CDH11: variants seen among roughly 807,000 people sequenced by gnomAD.
CDH11 encodes cadherin 11, also known as cadherin-11.
In CDH11, 11 loss-of-function variants were observed where a neutral mutation model predicts 67.8. The ratio of observed to expected loss-of-function variants is 0.16; its 90% confidence interval spans 0.10 to 0.27. CDH11 has a LOEUF of 0.27. Among genes scored for constraint, CDH11 ranks in the 10% least tolerant of loss-of-function variants. The pLI is 1.00. For missense variants in CDH11, 847 were observed against 1,031.2 expected (o/e 0.82, Z 2.45); for synonymous variants, 419 against 400.0 (o/e 1.05, Z -0.57).
chr16:64,945,486 A>T lies in CDH11; in HGVS notation c.*2117T>A. The T allele has an allele frequency of 9.7e-7, 1 of 1,034,606 alleles. No homozygotes were observed. Among genetic ancestry groups the T allele is most frequent in the Non-Finnish European group, 1.2e-6 (1 of 859,440 alleles). The allele number at this position is 1,034,606 out of a possible 1,614,324, so 64.1% of individuals were successfully genotyped here. On this transcript the variant is annotated 3_prime_UTR_variant, in exon 13 of 13. Coordinates refer to ENST00000268603, the MANE Select transcript of CDH11 (RefSeq NM_001797.4). ...GTTACTTACAGCTGTATACTTATTT[A>T]AATGCTATTCATATTCCTTTTGAGT...
chr16:65,057,713 C>A (rs1410430272), intron 1 of CDH11, among the ~76,000 whole-genome samples: 1 of 152,166 alleles, frequency 6.6e-6, no homozygotes, highest in Non-Finnish European at 1.5e-5. Context: ...ATGAAGGGAG[C>A]AGCATAGCCC....
intron 2 of CDH11, 61 bp from the exon 3 acceptor site, chr16:65,005,102 T>C: frequency 7.6e-7 from 1 of 1,319,694 alleles, no homozygotes; most frequent in Non-Finnish European, 9.7e-7. Flanking sequence ...TTCCATTCCT[T>C]TCAGTAAGCC....
chr16:65,069,882 G>C (rs2074385935), intron 1 of CDH11, among the ~76,000 whole-genome samples: 1 of 152,092 alleles, frequency 6.6e-6, no homozygotes. Flanking sequence ...GACTGTGCTG[G>C]GGACCAGGGA....
rs1555522698 is a variant in CDH11 at position 65,045,351 on chromosome 16, A to ATATATATATC, written c.-173+8452_-173+8453insGATATATATA. On this transcript the variant is annotated intron_variant, in intron 2 of 12. Coordinates refer to ENST00000268603, the MANE Select transcript of CDH11 (RefSeq NM_001797.4). ...AAAGTATATATATATATATATATAT[A>ATATATATATC]TATATATATATATATATATATGAAC... Among the ~76,000 whole-genome samples, 167 of 119,632 alleles carry ATATATATATC rather than the reference A, an allele frequency of 1.4e-3. 7 individuals carry two copies. Among genetic ancestry groups the ATATATATATC allele is most frequent in the South Asian group, 4.3e-3 (16 of 3,724 alleles). The allele number at this position is 119,632 out of a possible 152,430, so 78.5% of individuals were successfully genotyped here.
chr16:65,110,929 A>C (rs1041622127), intron 1 of CDH11, among the ~76,000 whole-genome samples: 6 of 152,182 alleles, frequency 3.9e-5, no homozygotes, highest in African/African-American at 7.2e-5. Context: ...AACACATGGA[A>C]TGTTGTCTTC....
chr16:65,097,939 C>A (rs941420264), intron 1 of CDH11, among the ~76,000 whole-genome samples: 1 of 152,120 alleles, frequency 6.6e-6, no homozygotes, highest in Non-Finnish European at 1.5e-5. Context: ...GACAATCTAA[C>A]CAGAAACCAC....
chr16:65,075,729 T>C (rs894724998), intron 1 of CDH11, among the ~76,000 whole-genome samples: 1 of 152,188 alleles, frequency 6.6e-6, no homozygotes, highest in Non-Finnish European at 1.5e-5. Flanking sequence ...CCCTAGACAA[T>C]GTGCTATTGC....
intron 2 of CDH11, among the ~76,000 whole-genome samples, chr16:65,030,551 G>A (rs974804526): frequency 6.6e-6 from 1 of 152,138 alleles, no homozygotes; most frequent in Non-Finnish European, 1.5e-5. Flanking sequence ...ATCACACTTG[G>A]GGAACTGTGG....
intron 4 of CDH11, among the ~76,000 whole-genome samples, chr16:64,994,490 C>T (rs1226743152): frequency 2.6e-5 from 4 of 152,146 alleles, no homozygotes; most frequent in Admixed American, 6.5e-5. Context: ...AGGAGTACAG[C>T]CATGATTCAT....
At chr16:65,122,071 C>G (rs1009929789), upstream of CDH11, 14 of 478,804 alleles carry the variant, frequency 2.9e-5, no homozygotes, top group East Asian at 4.8e-5. Context: ...AATGAGCCGC[C>G]GAGCGCGCTA....
chr16:65,070,774 T>C (rs1010147290), intron 1 of CDH11, among the ~76,000 whole-genome samples: 4 of 152,168 alleles, frequency 2.6e-5, no homozygotes, highest in East Asian at 1.9e-4. Flanking sequence ...GAAACTCTGA[T>C]TGGAAAATAG....
At chr16:65,041,852 G>A (rs2073873813) in intron 2 of CDH11, among the ~76,000 whole-genome samples, 1 of 152,182 alleles carries the variant, frequency 6.6e-6, no homozygotes, top group South Asian at 2.1e-4. Context: ...GCTAATGCAC[G>A]GGCAGGGAAA....
chr16:65,027,337 T>C (rs573648912), intron 2 of CDH11, among the ~76,000 whole-genome samples: 1 of 152,292 alleles, frequency 6.6e-6, no homozygotes, highest in Non-Finnish European at 1.5e-5. Context: ...CAGGCCCAAA[T>C]AACATCTCCG....
At chr16:64,972,858 A>G (rs766755104) in intron 9 of CDH11, 46 bp downstream of exon 9, 1 of 1,602,418 alleles carries the variant, frequency 6.2e-7, no homozygotes, top group South Asian at 1.1e-5. Context: ...GTCTGAAGCG[A>G]TAATACTTGG....
At position 64,943,757 on chromosome 16, in the gene CDH11, C is replaced by T. The variant is rs17415319; in HGVS notation, c.*3846G>A. Reference sequence around the variant, plus strand: ...TAAATCTGCCTCATCAGTATATTTGCTTTCATTCAATAGATATTTATTGTG... The same window carrying T: ...TAAATCTGCCTCATCAGTATATTTGTTTTCATTCAATAGATATTTATTGTG... On this transcript the variant is annotated 3_prime_UTR_variant, in exon 13 of 13. Transcript: ENST00000268603. 0.035 allele frequency: 6,825 copies of T among 196,748 alleles called. 157 individuals are homozygous for T. The highest frequency in any genetic ancestry group is 0.051 in the Non-Finnish European group (4,866 of 94,800). 12.2% of individuals were successfully genotyped at this position (196,748 alleles called of 1,614,324 possible). A position where few individuals can be genotyped will look rare whatever the true frequency, so the allele number is the denominator to read the frequency against.
chr16:65,038,164 G>T (rs1193286189), intron 2 of CDH11, among the ~76,000 whole-genome samples: 5 of 152,042 alleles, frequency 3.3e-5, no homozygotes, highest in Non-Finnish European at 5.9e-5. Context: ...CTTCCCGAAT[G>T]CAGTCACACA....
chr16:65,108,814 G>A (rs1373915754), intron 1 of CDH11, among the ~76,000 whole-genome samples: 1 of 152,136 alleles, frequency 6.6e-6, no homozygotes, highest in Non-Finnish European at 1.5e-5. Context: ...TAGTGATCTG[G>A]ATTTGCGTTC....
chr16:64,964,119 T>A (rs972488522), intron 11 of CDH11, among the ~76,000 whole-genome samples: 2 of 152,236 alleles, frequency 1.3e-5, no homozygotes, highest in Non-Finnish European at 1.5e-5. Flanking sequence ...ATTGCAACAA[T>A]GTATTTGATT....
intron 3 of CDH11, among the ~76,000 whole-genome samples, chr16:65,004,203 A>G (rs1050286650): frequency 6.6e-5 from 10 of 152,032 alleles, no homozygotes; most frequent in African/African-American, 9.7e-5. Context: ...TTTTCTCTAA[A>G]AAAATGAAAT....
Sources: allele counts gnomAD v4.1 joint callset (sites outside exome capture counted in the v4.1 genomes callset), GRCh38; gene constraint gnomAD v4.1.1; transcripts MANE v1.5; gene names NCBI Gene and HGNC (gene_info 2026-07-23, HGNC 2026-07-21).